The following ADAMTS7 variants were observed in gnomAD, a reference collection of about 807,000 sequenced individuals.
The protein encoded by ADAMTS7 is ADAM metallopeptidase with thrombospondin type 1 motif 7, also known as A disintegrin and metalloproteinase with thrombospondin motifs 7.
ADAMTS7 carries 89 observed loss-of-function variants against 172.6 expected under a neutral mutation model. The observed-to-expected ratio is 0.52, with a 90% CI of 0.43 to 0.61. The LOEUF is 0.61. Among genes scored for constraint, ADAMTS7 ranks in the 20% least tolerant of loss-of-function variants. The probability of loss-of-function intolerance (pLI) is 0.00; values close to 1 mark genes in which losing one functional copy is unlikely to be tolerated. For synonymous variants in ADAMTS7, 885 were observed against 978.4 expected, an observed-to-expected ratio of 0.90 and a Z score of 1.78; for missense variants, 1,973 against 2,355.6, an observed-to-expected ratio of 0.84 and a Z score of 3.36.
chr15:78,771,972 C>G lies in ADAMTS7; in HGVS notation c.2132-143G>C. ...TCTGAGCTCCCTAAATTGCTCGGAT[C>G]TGTCATGGGTCACCAAAACCTCGCA... is the stretch of plus-strand genomic sequence containing the variant. On this transcript the variant is annotated intron_variant, in intron 14 of 23. Coordinates refer to ENST00000388820, the MANE Select transcript of ADAMTS7 (RefSeq NM_014272.5). This position sits in a 1 kb window ranked among gnomAD's most constrained non-coding sequence, Gnocchi z 4.9. 3 of 1,283,700 alleles carry G rather than the reference C, an allele frequency of 2.3e-6. No individual in the cohort carries two copies. Among genetic ancestry groups the G allele is most frequent in the Non-Finnish European group, 3.1e-6 (3 of 952,750 alleles). 79.5% of individuals were successfully genotyped at this position (1,283,700 alleles called of 1,614,324 possible). A position where few individuals can be genotyped will look rare whatever the true frequency, so the allele number is the denominator to read the frequency against.
intron 13 of ADAMTS7, among the ~76,000 whole-genome samples, chr15:78,773,896 C>T (rs2055294687): frequency 6.6e-6 from 1 of 152,164 alleles, no homozygotes. Flanking sequence ...TCCAGGGAGA[C>T]GCAGGGGGGC....
At chr15:78,788,076 T>C (rs1053198778) in intron 8 of ADAMTS7, among the ~76,000 whole-genome samples, 155 bp downstream of exon 8, 2 of 152,138 alleles carry the variant, frequency 1.3e-5, no homozygotes, top group African/African-American at 4.8e-5. Flanking sequence ...AGTGTGACTG[T>C]CTGCATCACC....
chr15:78,768,859 C>CG (rs56950642), intron 16 of ADAMTS7, among the ~76,000 whole-genome samples: 44,263 of 152,062 alleles, frequency 0.29, 8,043 homozygotes, highest in Non-Finnish European at 0.42. Flanking sequence ...GAGGGGTGAC[C>CG]GGGGCTGGGG....
At chr15:78,775,526 C>T (rs1027854141) in intron 11 of ADAMTS7, among the ~76,000 whole-genome samples, 1 of 151,912 alleles carries the variant, frequency 6.6e-6, no homozygotes, top group African/African-American at 2.4e-5. Context: ...GCCTCTGCTT[C>T]TCACCAGATC....
At chr15:78,779,375 G>C (rs1596187606) in intron 8 of ADAMTS7, among the ~76,000 whole-genome samples, 1 of 152,140 alleles carries the variant, frequency 6.6e-6, no homozygotes, top group East Asian at 1.9e-4. Context: ...ACTGGCCCCG[G>C]GTCGCACAAG....
At chr15:78,765,373 C>A (rs1441306655) in intron 19 of ADAMTS7, among the ~76,000 whole-genome samples, 2 of 152,248 alleles carry the variant, frequency 1.3e-5, no homozygotes, top group Admixed American at 6.5e-5. Context: ...GGCGGCCATG[C>A]GGGGACCGTC....
intron 8 of ADAMTS7, among the ~76,000 whole-genome samples, chr15:78,785,502 T>C (rs1326027150): frequency 6.7e-6 from 1 of 148,364 alleles, no homozygotes; most frequent in Non-Finnish European, 1.5e-5. Context: ...TGAGCTGAGA[T>C]TGCACCACTG....
At chr15:78,787,604 C>T (rs1031638648) in intron 8 of ADAMTS7, among the ~76,000 whole-genome samples, 1 of 152,176 alleles carries the variant, frequency 6.6e-6, no homozygotes, top group African/African-American at 2.4e-5. Context: ...GCGGAGGTTG[C>T]AGTGAGTCAA....
Position 78,788,253 on chromosome 15 carries a change from G to A in ADAMTS7, c.1300C>T (p.Gln434Ter). 1 of 1,613,788 alleles carries A rather than the reference G, an allele frequency of 6.2e-7. No individual in the cohort carries two copies. Among genetic ancestry groups the A allele is most frequent in the South Asian group, 1.1e-5 (1 of 91,074 alleles). Residue 434 changes from glutamine (Q) to a stop codon, truncating the protein, a stop_gained, in exon 8 of 24, where the codon CAG (glutamine) becomes TAG (stop). Coordinates refer to ENST00000388820, the MANE Select transcript of ADAMTS7 (RefSeq NM_014272.5). LOFTEE classifies it high-confidence loss of function. ...APLTWSRCSR[Q>*]YITRFLDRGW... The stretch of plus-strand genomic sequence containing the variant: ...TACTCAAGGAACCTGGTGATATACT[G>A]GCGGCTGCAGCGGGACCAGGTGAGG...
rs776224762 is a variant in ADAMTS7, at chr15:78,789,725, G to A, written c.1142C>T (p.Pro381Leu). 15 of 1,613,172 alleles carry A rather than the reference G, an allele frequency of 9.3e-6. No individual in the cohort carries two copies. Among genetic ancestry groups the A allele is most frequent in the African/African-American group, 2.7e-5 (2 of 74,960 alleles). ...CTCGTGGGCTACAGTGAAGGCCAGC[G>A]GCAGGCCCGTGTCCTCGTTGATGCT... ...SCSINEDTGL[P>L]LAFTVAHELG... The change falls in exon 7 of 24, where the codon CCG becomes CTG. Residue 381 changes from proline (P) to leucine (L), a missense_variant. Coordinates refer to ENST00000388820, the MANE Select transcript of ADAMTS7 (RefSeq NM_014272.5).
Position 78,767,449 on chromosome 15 carries a change from G to C in ADAMTS7, c.2789C>G (p.Pro930Arg). The change falls in exon 18 of 24, where the codon CCC becomes CGC. Residue 930 changes from proline (P) to arginine (R), a missense_variant. Physicochemically the swap from Pro to Arg is moderately radical, Grantham distance 103 (BLOSUM62 -2). Coordinates refer to ENST00000388820, the MANE Select transcript of ADAMTS7 (RefSeq NM_014272.5). ...GCGGTTGCAAGGGGTTTCAGTAGGG[G>C]GCCGGGGAAGGTGTTCACAGGCGGG... ...EPPACEHLPR[P>R]PTETPCNRHV... is the part of the protein sequence containing the mutation. 6.2e-7 allele frequency: 1 copy of C among 1,611,836 alleles called. No homozygotes were observed.
At chr15:78,805,347 A>G (rs988252079) in intron 1 of ADAMTS7, among the ~76,000 whole-genome samples, 2 of 152,258 alleles carry the variant, frequency 1.3e-5, no homozygotes, top group Admixed American at 1.3e-4. Flanking sequence ...TTTAAGAATC[A>G]CATGATCTTG....
In ADAMTS7 at chr15:78,811,244, G is replaced by C; in HGVS notation, c.-24C>G. The C allele has an allele frequency of 8.2e-7, 1 of 1,224,480 alleles. No individual in the cohort carries two copies. Among genetic ancestry groups the C allele is most frequent in the Non-Finnish European group, 1.0e-6 (1 of 983,200 alleles). 75.9% of individuals were successfully genotyped at this position (1,224,480 alleles called of 1,614,324 possible). A position where few individuals can be genotyped will look rare whatever the true frequency, so the allele number is the denominator to read the frequency against. On this transcript the variant is annotated 5_prime_UTR_variant, in exon 1 of 24. Coordinates refer to ENST00000388820, the MANE Select transcript of ADAMTS7 (RefSeq NM_014272.5). The stretch of plus-strand genomic sequence containing the variant: ...ATGGCAGGAACCGGGCGGCCGCCGG[G>C]TGACCCCGCGCGCACGCTCTCGTCC...
intron 4 of ADAMTS7, among the ~76,000 whole-genome samples, chr15:78,795,442 C>T (rs1348062562): frequency 6.6e-6 from 1 of 152,206 alleles, no homozygotes; most frequent in African/African-American, 2.4e-5. Context: ...GTAGTGGGGA[C>T]GTGGTGGCCA....
At position 78,796,643 on chromosome 15, in the gene ADAMTS7, C is replaced by G. The variant is rs140654314; in HGVS notation, c.766G>C (p.Glu256Gln). 2.5e-5 allele frequency: 41 copies of G among 1,613,988 alleles called. No homozygotes were observed. The highest frequency in any genetic ancestry group is 3.3e-5 in the Non-Finnish European group (39 of 1,180,010). The change falls in exon 4 of 24, where the codon GAG becomes CAG. Residue 256 changes from glutamate (E) to glutamine (Q), a missense_variant. Physicochemically the swap from Glu to Gln is conservative, Grantham distance 29 (BLOSUM62 2). Around this residue, in one of 8 missense-constraint regions of ADAMTS7, gnomAD observed 526 missense variants for 662.9 expected, o/e 0.79. Coordinates refer to ENST00000388820, the MANE Select transcript of ADAMTS7 (RefSeq NM_014272.5). ...TCAACCTGCGGCTGTCCGTGGTACT[C>G]CACCATTTTGGCATCAGCTACTACC... ...TLVVADAKMV[E>Q]YHGQPQVESY...
In ADAMTS7 at chr15:78,800,297, G is replaced by A. The variant is rs764832961; in HGVS notation, c.351C>T (p.Gly117=). The change falls in exon 2 of 24, where the codon GGC becomes GGT. Residue 117 remains glycine (G), a synonymous_variant. Transcript: ENST00000388820. The stretch of plus-strand genomic sequence containing the variant: ...GGGTGTGGGCCCGGATGTGCGCGCG[G>A]CCCAGGCCGCCGCGCCGCCGCGTCT... ...VSETRRRGGL[G]RAHIRAHTPA... is the part of the protein sequence containing the mutation. 3.5e-5 allele frequency: 55 copies of A among 1,589,302 alleles called. 1 individual carries two copies. The South Asian group carries it at 5.8e-4, about 17-fold the overall frequency.
rs1298206364 is a variant in ADAMTS7 at position 78,789,728 on chromosome 15, A to T, written c.1139T>A (p.Leu380Gln). ...RSCSINEDTG[L>Q]PLAFTVAHEL... ...GTGGGCTACAGTGAAGGCCAGCGGC[A>T]GGCCCGTGTCCTCGTTGATGCTGCA... Residue 380 changes from leucine to glutamine, a missense_variant, in exon 7 of 24, where the codon CTG becomes CAG. By Grantham distance (113) the Leu-to-Gln change is moderately radical (BLOSUM62 -2). Transcript: ENST00000388820. 3 of 1,613,306 alleles carry T rather than the reference A, an allele frequency of 1.9e-6. No individual in the cohort carries two copies. Among genetic ancestry groups the T allele is most frequent in the African/African-American group, 1.3e-5 (1 of 75,082 alleles).
intron 4 of ADAMTS7, among the ~76,000 whole-genome samples, chr15:78,791,893 C>T (rs2055586554): frequency 6.6e-6 from 1 of 152,118 alleles, no homozygotes; most frequent in African/African-American, 2.4e-5. Flanking sequence ...GGGCTATCCC[C>T]AAAGATGGAA....
chr15:78,768,003 C>G, intron 17 of ADAMTS7, 130 bp downstream of exon 17: 2 of 402,068 alleles, frequency 5.0e-6, no homozygotes, highest in Middle Eastern at 6.5e-4. Flanking sequence ...ATGTAGGGAC[C>G]TGTGGCAGAC....
Sources: allele counts gnomAD v4.1 joint callset (sites outside exome capture counted in the v4.1 genomes callset), GRCh38; gene constraint gnomAD v4.1.1; regional missense constraint gnomAD v4.1.1; non-coding constraint Gnocchi (gnomAD v3.1); transcripts MANE v1.5; gene names NCBI Gene and HGNC (gene_info 2026-07-23, HGNC 2026-07-21).